Variants in KHDRBS2 observed in about 807,000 individuals in gnomAD.
KHDRBS2 encodes the protein KH domain-containing, RNA-binding, signal transduction-associated protein 2.
KHDRBS2 carries 26 observed loss-of-function variants against 44.3 expected under a neutral mutation model. That is an observed-to-expected ratio of 0.59 (90% confidence interval 0.43 to 0.81). The LOEUF (loss-of-function observed/expected upper bound fraction) is 0.81, where lower values mean the gene tolerates loss of function less well. Among genes scored for constraint, KHDRBS2 ranks in the 40% least tolerant of loss-of-function variants. The pLI, the probability that KHDRBS2 is intolerant of heterozygous loss-of-function variation, is 0.00. For synonymous variants in KHDRBS2, 194 were observed against 151.1 expected (o/e 1.28, Z -2.08); for missense variants, 476 against 433.1 (o/e 1.10, Z -0.88).
At chr6:62,060,631 C>CTA (rs1317159491) in intron 2 of KHDRBS2, among the ~76,000 whole-genome samples, 6,780 of 147,152 alleles carry the variant, frequency 0.046, 208 homozygotes, top group Non-Finnish European at 0.065. Flanking sequence ...CTCTCTCTCT[C>CTA]TCTATATATA....
the KHDRBS2 span, among the ~76,000 whole-genome samples, chr6:61,661,729 T>C: frequency 6.6e-6 from 1 of 151,740 alleles, no homozygotes; most frequent in Admixed American, 6.6e-5. Flanking sequence ...TACAAACCAC[T>C]GCTCAATGAA....
At chr6:61,665,905 T>C in the KHDRBS2 span, among the ~76,000 whole-genome samples, 1 of 150,938 alleles carries the variant, frequency 6.6e-6, no homozygotes, top group Admixed American at 6.6e-5. Flanking sequence ...TCACATTTTA[T>C]ACATTGAAAA....
At chr6:61,631,327 A>AAAAAAAAAAAAAC in the KHDRBS2 span, among the ~76,000 whole-genome samples, 1 of 147,282 alleles carries the variant, frequency 6.8e-6, no homozygotes, top group Non-Finnish European at 1.5e-5. Context: ...AAAAAAAAAA[A>AAAAAAAAAAAAAC]AAAAAAAAAA....
intron 3 of KHDRBS2, among the ~76,000 whole-genome samples, chr6:62,043,203 G>C (rs1181104368): frequency 6.6e-6 from 1 of 151,902 alleles, no homozygotes; most frequent in Non-Finnish European, 1.5e-5. Context: ...TGCTTCCTCT[G>C]TTCTCCCTCA....
At chr6:62,285,176 GA>G (rs1842311143) in intron 1 of KHDRBS2, among the ~76,000 whole-genome samples, 1 of 152,044 alleles carries the variant, frequency 6.6e-6, no homozygotes, top group Non-Finnish European at 1.5e-5. Flanking sequence ...GTTCCTCTAG[GA>G]ATGAAATCCC....
the KHDRBS2 span, among the ~76,000 whole-genome samples, chr6:61,572,977 G>C: frequency 6.6e-6 from 1 of 152,070 alleles, no homozygotes; most frequent in Non-Finnish European, 1.5e-5. Flanking sequence ...AGAGTAATCA[G>C]ACAAAACAAA....
intron 7 of KHDRBS2, among the ~76,000 whole-genome samples, chr6:61,715,442 T>TGCC (rs1771237846): frequency 6.6e-6 from 1 of 151,970 alleles, no homozygotes; most frequent in Non-Finnish European, 1.5e-5. Context: ...GCCCCAACAC[T>TGCC]TTCAAATATC....
chr6:61,813,564 C>T (rs905801305), intron 6 of KHDRBS2, among the ~76,000 whole-genome samples: 7 of 152,018 alleles, frequency 4.6e-5, no homozygotes, highest in South Asian at 2.1e-4. Flanking sequence ...GAAGAGTATG[C>T]GTTTAGATAG....
At chr6:61,795,158 A>T in intron 6 of KHDRBS2, among the ~76,000 whole-genome samples, 1 of 151,490 alleles carries the variant, frequency 6.6e-6, no homozygotes, top group South Asian at 2.1e-4. Context: ...AAAAAAAAAA[A>T]AAAAAAAAAA....
intron 1 of KHDRBS2, among the ~76,000 whole-genome samples, chr6:62,246,099 AT>A (rs1424054228): frequency 1.5e-5 from 1 of 64,710 alleles, no homozygotes; most frequent in African/African-American, 6.0e-5. Flanking sequence ...AATTCAATCA[AT>A]TTTATATATA....
At chr6:61,706,900 G>A (rs1365599157) in intron 7 of KHDRBS2, among the ~76,000 whole-genome samples, 2 of 151,534 alleles carry the variant, frequency 1.3e-5, no homozygotes, top group African/African-American at 4.8e-5. Context: ...TTGCCCTCAT[G>A]GAGTTCACAA....
At chr6:62,165,056 G>T (rs1467921106) in intron 2 of KHDRBS2, among the ~76,000 whole-genome samples, 1 of 151,666 alleles carries the variant, frequency 6.6e-6, no homozygotes, top group Non-Finnish European at 1.5e-5. Context: ...TATACATTTA[G>T]AATTTTCTTT....
intron 6 of KHDRBS2, among the ~76,000 whole-genome samples, chr6:61,815,576 T>G (rs918893432): frequency 3.3e-5 from 5 of 152,142 alleles, no homozygotes; most frequent in Admixed American, 3.3e-4. Flanking sequence ...GGATTATCTC[T>G]AGGATCAATG....
At chr6:61,948,315 T>G (rs1562496518) in intron 4 of KHDRBS2, among the ~76,000 whole-genome samples, 1 of 152,124 alleles carries the variant, frequency 6.6e-6, no homozygotes, top group Non-Finnish European at 1.5e-5. Flanking sequence ...TCTGTGTGAT[T>G]TATGTAATTG....
In KHDRBS2 at chr6:62,100,985, C is replaced by T. The variant is rs754315797; in HGVS notation, c.220-52991G>A. Among the ~76,000 whole-genome samples, 7 of 152,246 alleles carry T rather than the reference C, an allele frequency of 4.6e-5. No homozygotes were observed. In the South Asian group the frequency reaches 8.3e-4, roughly 18 times the overall value. On this transcript the variant is annotated intron_variant, in intron 2 of 8. Transcript: ENST00000281156. ...AACATTCAACACTCAGAGCAGTCCT[C>T]CAATAGTTTTACAGGCAGAAAATCT...
intron 3 of KHDRBS2, among the ~76,000 whole-genome samples, chr6:61,983,505 T>C (rs553597792): frequency 1.3e-5 from 2 of 152,152 alleles, no homozygotes; most frequent in Admixed American, 6.5e-5. Context: ...GGGCTTAGGA[T>C]ACTTGGGATA....
chr6:62,101,412 G>T (rs1382871116), intron 2 of KHDRBS2, among the ~76,000 whole-genome samples: 3 of 152,114 alleles, frequency 2.0e-5, no homozygotes, highest in African/African-American at 7.2e-5. Flanking sequence ...ACCTCCACAG[G>T]ATTTACGTAG....
At chr6:61,889,109 A>T (rs2127325469) in intron 6 of KHDRBS2, among the ~76,000 whole-genome samples, 1 of 152,340 alleles carries the variant, frequency 6.6e-6, no homozygotes, top group Non-Finnish European at 1.5e-5. Flanking sequence ...ATTATATATG[A>T]TAAAATTTTA....
At chr6:61,886,508 C>T (rs982433224) in intron 6 of KHDRBS2, among the ~76,000 whole-genome samples, 16 of 152,020 alleles carry the variant, frequency 1.1e-4, no homozygotes, top group African/African-American at 2.9e-4. Flanking sequence ...TTTCCTGGAG[C>T]ATGCATAGTT....
Sources: gnomAD v4.1 joint callset for allele counts (sites outside exome capture counted in the v4.1 genomes callset) on GRCh38, gnomAD v4.1.1 for gene constraint, MANE v1.5 for transcripts, NCBI Gene and HGNC (gene_info 2026-07-23, HGNC 2026-07-21) for gene names.